The following RIPK2 variants were observed in gnomAD, a reference collection of about 807,000 sequenced individuals.
RIPK2 encodes the protein receptor-interacting serine/threonine-protein kinase 2.
A neutral mutation model predicts 60.9 loss-of-function variants in RIPK2; 38 were observed. The observed-to-expected ratio is 0.62, with a 90% CI of 0.48 to 0.82. The LOEUF is 0.82. RIPK2 is among the 40% of genes least tolerant of loss of function. RIPK2 has a pLI of 0.00. For synonymous variants in RIPK2, 225 were observed against 223.4 expected (o/e 1.01, Z -0.06); for missense variants, 518 against 647.0 (o/e 0.80, Z 2.16).
At chr8:89,789,998 T>C in intron 10 of RIPK2, 81 bp from the exon 11 acceptor site, 1 of 996,980 alleles carries the variant, frequency 1.0e-6, no homozygotes, top group South Asian at 1.9e-5. Flanking sequence ...TTTTATGCTT[T>C]ATTTATTTTT....
intron 6 of RIPK2, among the ~76,000 whole-genome samples, chr8:89,779,698 T>G (rs1045400412): frequency 2.6e-5 from 4 of 152,192 alleles, no homozygotes; most frequent in Non-Finnish European, 4.4e-5. Flanking sequence ...CATGAGGATT[T>G]TCTCCTATGT....
At chr8:89,772,487 T>C (rs1164868245) in intron 5 of RIPK2, among the ~76,000 whole-genome samples, 180 bp from the exon 6 acceptor site, 1 of 152,062 alleles carries the variant, frequency 6.6e-6, no homozygotes, top group Non-Finnish European at 1.5e-5. Flanking sequence ...ACTCATTCCA[T>C]AGGAATCAGA....
chr8:89,790,677 A>T lies in RIPK2; in HGVS notation c.*261A>T, dbSNP rs912099546. 1.2e-5 allele frequency: 4 copies of T among 329,500 alleles called. No homozygotes were observed. The highest frequency in any genetic ancestry group is 9.1e-5 in the Admixed American group (2 of 22,034). 20.4% of individuals were successfully genotyped at this position (329,500 alleles called of 1,614,324 possible). ...AAGGATAGTAATTATTCTTGTTTAT[A>T]ACAGTGCCTTAAGGTATGATGTATT... On this transcript the variant is annotated 3_prime_UTR_variant, in exon 11 of 11. Transcript: ENST00000220751.
rs199570893 is a variant in RIPK2 at position 89,786,646 on chromosome 8, A to C, written c.1083A>C (p.Ser361=). The change falls in exon 9 of 11, where the codon TCA becomes TCC. Residue 361 remains serine (S), a synonymous_variant. Coordinates refer to ENST00000220751, the MANE Select transcript of RIPK2 (RefSeq NM_003821.6). ...AAAATAGTGGTTCTCCTGAAACTTC[A>C]AGGTCCCTGCCAGCTCCTCAAGACA... ...LHENSGSPET[S]RSLPAPQDND... is the part of the protein sequence containing the mutation. 4.2e-5 allele frequency: 68 copies of C among 1,600,558 alleles called. No homozygotes were observed. The highest frequency in any genetic ancestry group is 5.5e-5 in the Non-Finnish European group (64 of 1,170,856).
At chr8:89,778,447 CCTAA>C (rs1404988165) in intron 6 of RIPK2, among the ~76,000 whole-genome samples, 4 of 152,176 alleles carry the variant, frequency 2.6e-5, no homozygotes, top group Non-Finnish European at 5.9e-5. Context: ...CAAAATCCCT[CCTAA>C]CTATTTGCAG....
intron 6 of RIPK2, among the ~76,000 whole-genome samples, chr8:89,779,471 C>T (rs886842887): frequency 2.6e-5 from 4 of 151,822 alleles, no homozygotes; most frequent in Admixed American, 6.6e-5. Flanking sequence ...CCCGCCACCA[C>T]GCCCAGCTAA....
intron 6 of RIPK2, among the ~76,000 whole-genome samples, chr8:89,774,853 G>A (rs1414608748): frequency 6.6e-6 from 1 of 152,164 alleles, no homozygotes; most frequent in East Asian, 1.9e-4. Flanking sequence ...TTAAGGAAGA[G>A]AAGACAGTAG....
At chr8:89,789,517 G>C (rs947596332) in intron 10 of RIPK2, 35 bp downstream of exon 10, 6 of 1,580,348 alleles carry the variant, frequency 3.8e-6, no homozygotes, top group Non-Finnish European at 5.2e-6. Context: ...TGTAAGTGAT[G>C]CCATTGACCT....
At chr8:89,785,611 G>GA (rs752338303) in intron 8 of RIPK2, among the ~76,000 whole-genome samples, 2 of 151,884 alleles carry the variant, frequency 1.3e-5, no homozygotes, top group African/African-American at 4.8e-5. Flanking sequence ...TCCAAAATCT[G>GA]AAAAAAATCC....
intron 1 of RIPK2, 95 bp from the exon 2 acceptor site, chr8:89,762,734 G>T: frequency 1.7e-6 from 1 of 592,436 alleles, no homozygotes; most frequent in Non-Finnish European, 2.7e-6. Flanking sequence ...AGGTCACATA[G>T]CTAATTAATG....
chr8:89,785,285 G>A (rs1023777732), intron 8 of RIPK2, among the ~76,000 whole-genome samples: 2 of 152,102 alleles, frequency 1.3e-5, no homozygotes, highest in African/African-American at 2.4e-5. Flanking sequence ...GACCAGCCTG[G>A]CCAACATGAC....
chr8:89,764,965 C>G (rs1259804956), intron 2 of RIPK2, among the ~76,000 whole-genome samples: 1 of 151,958 alleles, frequency 6.6e-6, no homozygotes, highest in Admixed American at 6.6e-5. Flanking sequence ...TTTGTGTGTA[C>G]TCAAATTACC....
At chr8:89,762,757 G>C in intron 1 of RIPK2, 72 bp from the exon 2 acceptor site, 1 of 848,114 alleles carries the variant, frequency 1.2e-6, no homozygotes, top group Non-Finnish European at 1.7e-6. Context: ...AAAAAATCCA[G>C]GCTTAGTCTT....
chr8:89,765,647 C>G, intron 3 of RIPK2, 151 bp downstream of exon 3: 2 of 486,058 alleles, frequency 4.1e-6, no homozygotes, highest in Non-Finnish European at 7.2e-6. Context: ...TTTCTATCTT[C>G]TATTCTCCTT....
intron 6 of RIPK2, among the ~76,000 whole-genome samples, chr8:89,775,120 G>A (rs1484741915): frequency 6.6e-6 from 1 of 152,034 alleles, no homozygotes; most frequent in Non-Finnish European, 1.5e-5. Context: ...TGAGGTGATA[G>A]CTAAAGGATG....
At chr8:89,770,483 T>TA (rs1809294687) in intron 4 of RIPK2, among the ~76,000 whole-genome samples, 1 of 151,886 alleles carries the variant, frequency 6.6e-6, no homozygotes, top group African/African-American at 2.4e-5. Context: ...AACACATTGT[T>TA]ATTGACACTG....
chr8:89,764,807 T>C (rs1193811468), intron 2 of RIPK2, among the ~76,000 whole-genome samples: 1 of 152,140 alleles, frequency 6.6e-6, no homozygotes, highest in Non-Finnish European at 1.5e-5. Flanking sequence ...AAATTAATGC[T>C]TAGTCAATAA....
intron 1 of RIPK2, among the ~76,000 whole-genome samples, chr8:89,758,694 G>T (rs548901802): frequency 3.9e-4 from 59 of 152,206 alleles, no homozygotes; most frequent in Admixed American, 1.3e-4. Context: ...GGTGGCTATT[G>T]AGCACTTGAA....
At chr8:89,766,105 A>G (rs970143059) in intron 3 of RIPK2, among the ~76,000 whole-genome samples, 3 of 151,810 alleles carry the variant, frequency 2.0e-5, no homozygotes, top group African/African-American at 7.3e-5. Context: ...ATAGTATGTG[A>G]TATTTTGAGA....
Sources: allele counts gnomAD v4.1 joint callset (sites outside exome capture counted in the v4.1 genomes callset), GRCh38; gene constraint gnomAD v4.1.1; transcripts MANE v1.5; gene names NCBI Gene and HGNC (gene_info 2026-07-23, HGNC 2026-07-21).